The following EGFR variants were observed in gnomAD, a reference collection of about 807,000 sequenced individuals.
EGFR encodes avian erythroblastic leukemia viral (v-erb-b) oncogene homolog.
Under a neutral mutation model 143.0 loss-of-function variants are expected in EGFR, and 58 were observed. The ratio of observed to expected loss-of-function variants is 0.41; its 90% CI spans 0.33 to 0.50. The LOEUF is 0.50. Among genes scored for constraint, EGFR ranks in the 20% least tolerant of loss-of-function variants. The probability of loss-of-function intolerance (pLI) is 0.39; values close to 1 mark genes in which losing one functional copy is unlikely to be tolerated. For missense variants in EGFR, 1,307 were observed against 1,579.0 expected (o/e 0.83, Z 2.92); for synonymous variants, 613 against 594.4 (o/e 1.03, Z -0.45).
At chr7:55,118,528 C>T (rs1386432056) in intron 1 of EGFR, among the ~76,000 whole-genome samples, 1 of 152,204 alleles carries the variant, frequency 6.6e-6, no homozygotes, top group East Asian at 1.9e-4. Flanking sequence ...AAGGTTGCCA[C>T]CTTTGGGGTA....
intron 1 of EGFR, among the ~76,000 whole-genome samples, chr7:55,036,185 G>T (rs1461740102): frequency 7.0e-6 from 1 of 142,574 alleles, no homozygotes; most frequent in African/African-American, 2.6e-5. Flanking sequence ...GAACAAACCA[G>T]ATACTTCCTT....
At chr7:55,093,240 G>A (rs1291983292) in intron 1 of EGFR, among the ~76,000 whole-genome samples, 1 of 152,192 alleles carries the variant, frequency 6.6e-6, no homozygotes, top group Admixed American at 6.5e-5. Flanking sequence ...TGTCAGTCAT[G>A]TCCCATGAGA....
chr7:55,171,965 G>C (rs1363297094), intron 16 of EGFR, among the ~76,000 whole-genome samples: 1 of 152,124 alleles, frequency 6.6e-6, no homozygotes, highest in Non-Finnish European at 1.5e-5. Flanking sequence ...CCCCCGAGTT[G>C]ACAGCCATAG....
chr7:55,027,992 ATATATATAT>A (rs1326671570), intron 1 of EGFR, among the ~76,000 whole-genome samples: 108 of 44,686 alleles, frequency 2.4e-3, no homozygotes, highest in African/African-American at 6.1e-3. Context: ...AAAAAAAAAA[ATATATATAT>A]ATATATATAT....
At chr7:55,193,417 G>C (rs1787486566) in intron 22 of EGFR, among the ~76,000 whole-genome samples, 1 of 152,132 alleles carries the variant, frequency 6.6e-6, no homozygotes, top group Non-Finnish European at 1.5e-5. Flanking sequence ...GTGTTGCCCA[G>C]CACTGGCCTG....
chr7:55,102,772 T>A lies in EGFR; in HGVS notation c.89-39514T>A, dbSNP rs75141631. ...ATTTATATATCTTAAATAGAAATTT[T>A]AAAAATTTTTTTAAAACTCCTGATA... On this transcript the variant is annotated intron_variant, in intron 1 of 27. Transcript: ENST00000275493. Among the ~76,000 whole-genome samples, 1,193 of 152,332 alleles carry A rather than the reference T, an allele frequency of 7.8e-3. 8 individuals are homozygous for A. Among genetic ancestry groups the A allele is most frequent in the African/African-American group, 0.026 (1,068 of 41,570 alleles).
At position 55,143,346 on chromosome 7, in the gene EGFR, C is replaced by T. The variant is rs1794574333; in HGVS notation, c.282C>T (p.Asn94=). Residue 94 remains asparagine, a synonymous_variant, in exon 3 of 28, where the codon AAC becomes AAT. Coordinates refer to ENST00000275493, the MANE Select transcript of EGFR (RefSeq NM_005228.5). The stretch of plus-strand genomic sequence containing the variant: ...CTGGTTATGTCCTCATTGCCCTCAA[C>T]ACAGTGGAGCGAATTCCTTTGGAAA... ...EVAGYVLIAL[N]TVERIPLENL... 4 of 1,614,266 alleles carry T rather than the reference C, an allele frequency of 2.5e-6. No homozygotes were observed. Among genetic ancestry groups the T allele is most frequent in the South Asian group, 2.2e-5 (2 of 91,090 alleles).
intron 7 of EGFR, among the ~76,000 whole-genome samples, chr7:55,154,911 C>T (rs964744442): frequency 4.3e-5 from 5 of 115,870 alleles, no homozygotes; most frequent in Non-Finnish European, 8.9e-5. Flanking sequence ...TTTTACATTC[C>T]GTATGGAAAA....
intron 1 of EGFR, among the ~76,000 whole-genome samples, chr7:55,100,152 G>C (rs909355790): frequency 1.3e-5 from 2 of 152,216 alleles, no homozygotes. Context: ...CTTTCAGCAC[G>C]CATCCTTTCT....
rs2128971478 is a variant in EGFR, at chr7:55,201,199, A to G, written c.2958A>G (p.Arg986=). The G allele has an allele frequency of 6.2e-7, 1 of 1,614,154 alleles. No individual in the cohort carries two copies. The highest frequency in any genetic ancestry group is 8.5e-7 in the Non-Finnish European group (1 of 1,180,028). ...AATCTCTGCACCAGGGGGATGAAAG[A>G]ATGCATTTGCCAAGTCCTACAGACT... The part of the protein sequence containing the change: ...QRYLVIQGDE[R]MHLPSPTDSN... Residue 986 remains arginine (R), a synonymous_variant, in exon 25 of 28, where the codon AGA becomes AGG. Transcript: ENST00000275493.
At chr7:55,038,744 A>ATGTGTGTATG (rs34119598) in intron 1 of EGFR, among the ~76,000 whole-genome samples, 3 of 151,546 alleles carry the variant, frequency 2.0e-5, no homozygotes, top group Admixed American at 6.6e-5. Context: ...GTGTGTGTGT[A>ATGTGTGTATG]TGTGTGTGTG....
rs1192607497 is a variant in EGFR, at chr7:55,148,219, TA to T, written c.559+1480del. Among the ~76,000 whole-genome samples, 3 of 152,348 alleles carry T rather than the reference TA, an allele frequency of 2.0e-5. No individual in the cohort carries two copies. In the East Asian group the frequency reaches 5.8e-4, roughly 29 times the overall value. Reference sequence around the variant, plus strand: ...AAATTTCATATTATGAGATCAAGGTTAGCATTTCCTCAGCTGTCTGGTGGAC... The same window carrying T: ...AAATTTCATATTATGAGATCAAGGTTGCATTTCCTCAGCTGTCTGGTGGAC... On this transcript the variant is annotated intron_variant, in intron 4 of 27. Transcript: ENST00000275493.
intron 22 of EGFR, 93 bp downstream of exon 22, chr7:55,192,934 T>C: frequency 8.9e-7 from 1 of 1,126,298 alleles, no homozygotes; most frequent in Non-Finnish European, 1.3e-6. Flanking sequence ...GACATGCAAG[T>C]ATTTTCTTTC....
At chr7:55,140,369 C>T (rs1343810543) in intron 1 of EGFR, among the ~76,000 whole-genome samples, 3 of 152,060 alleles carry the variant, frequency 2.0e-5, no homozygotes, top group African/African-American at 4.8e-5. Flanking sequence ...CTGTTTGGCA[C>T]GAGGGGCCCA....
In EGFR at chr7:55,211,502, A is replaced by C. The variant is rs73696599; in HGVS notation, c.*5885A>C. On this transcript the variant is annotated 3_prime_UTR_variant, in exon 28 of 28. Coordinates refer to ENST00000275493, the MANE Select transcript of EGFR (RefSeq NM_005228.5). ...CAAATGAAAAGCAGAATTCTCTTTT[A>C]TATGGTTTATACTGTTGATCAGAAA... The C allele has an allele frequency of 6.6e-6, 1 of 152,204 alleles. No individual in the cohort carries two copies. The highest frequency in any genetic ancestry group is 1.5e-5 in the Non-Finnish European group (1 of 68,030). The allele number at this position is 152,204 out of a possible 1,614,324, so 9.4% of individuals were successfully genotyped here. A position where few individuals can be genotyped will look rare whatever the true frequency, so the allele number is the denominator to read the frequency against.
chr7:55,183,020 G>A (rs1261135816), intron 20 of EGFR, among the ~76,000 whole-genome samples: 1 of 152,122 alleles, frequency 6.6e-6, no homozygotes, highest in Non-Finnish European at 1.5e-5. Context: ...TGGCTCTGGA[G>A]GCCAGGTGTC....
At chr7:55,188,864 C>T (rs1787260316) in intron 20 of EGFR, 1 of 152,252 alleles carries the variant, frequency 6.6e-6, no homozygotes, top group African/African-American at 2.4e-5. Context: ...TACCTGAATT[C>T]CAGAATATGT....
Position 55,204,184 on chromosome 7 carries a change from C to T in EGFR, c.3272-1072C>T, listed in dbSNP as rs557531188. ...ACACACACATACACACAGACACACA[C>T]GACACACACCATACACATGTACACA... On this transcript the variant is annotated intron_variant, in intron 27 of 27. Coordinates refer to ENST00000275493, the MANE Select transcript of EGFR (RefSeq NM_005228.5). Among the ~76,000 whole-genome samples, 418 of 149,312 alleles carry T rather than the reference C, an allele frequency of 2.8e-3. 1 individual carries two copies. The highest frequency in any genetic ancestry group is 7.0e-3 in the Admixed American group (105 of 14,974).
At chr7:55,161,262 C>T (rs976871776) in intron 12 of EGFR, among the ~76,000 whole-genome samples, 1 of 152,244 alleles carries the variant, frequency 6.6e-6, no homozygotes, top group African/African-American at 2.4e-5. Flanking sequence ...GAAGACCTGT[C>T]CTCCACTGTC....
Sources: allele counts gnomAD v4.1 joint callset (sites outside exome capture counted in the v4.1 genomes callset), GRCh38; gene constraint gnomAD v4.1.1; transcripts MANE v1.5; gene names NCBI Gene and HGNC (gene_info 2026-07-23, HGNC 2026-07-21).